The following COL22A1 variants were observed in gnomAD, a reference collection of about 807,000 sequenced individuals.
The protein encoded by COL22A1 is collagen type XXII alpha 1 chain.
Under a neutral mutation model 248.9 loss-of-function variants are expected in COL22A1, and 221 were observed. The observed-to-expected ratio is 0.89, with a 90% CI of 0.80 to 0.99. The LOEUF is 0.99. COL22A1 is among the 50% of genes least tolerant of loss of function. The pLI, the probability that COL22A1 is intolerant of heterozygous loss-of-function variation, is 0.00. For missense variants in COL22A1, 2,240 were observed against 2,179.0 expected, an observed-to-expected ratio of 1.03 and a Z score of -0.56; for synonymous variants, 891 against 793.4, an observed-to-expected ratio of 1.12 and a Z score of -2.07.
At chr8:138,805,265 CAT>C (rs1491095319) in intron 10 of COL22A1, among the ~76,000 whole-genome samples, 10 of 94,872 alleles carry the variant, frequency 1.1e-4, no homozygotes, top group South Asian at 7.6e-4. Flanking sequence ...TGTGAGCATG[CAT>C]GTGTGTGTGT....
intron 44 of COL22A1, 109 bp downstream of exon 44, chr8:138,660,327 G>T: frequency 2.2e-6 from 2 of 924,876 alleles, no homozygotes; most frequent in East Asian, 2.5e-5. Flanking sequence ...CCACAGTTTT[G>T]TCAAATGTTC....
At position 138,698,396 on chromosome 8, in the gene COL22A1, G is replaced by A. The variant is rs114104462; in HGVS notation, c.2592+1716C>T. Reference sequence around the variant, plus strand: ...CCTAGCACCTCTGAGCTGCAGGACCGTCACCTGTAAGATGGACACAGGTGC... The same window carrying A: ...CCTAGCACCTCTGAGCTGCAGGACCATCACCTGTAAGATGGACACAGGTGC... On this transcript the variant is annotated intron_variant, in intron 32 of 64. Coordinates refer to ENST00000303045, the MANE Select transcript of COL22A1 (RefSeq NM_152888.3). Among the ~76,000 whole-genome samples, 1,487 of 152,296 alleles carry A rather than the reference G, an allele frequency of 9.8e-3. 35 individuals are homozygous for A. Among genetic ancestry groups the A allele is most frequent in the African/African-American group, 0.034 (1,415 of 41,566 alleles).
chr8:138,748,330 AC>A, intron 22 of COL22A1, among the ~76,000 whole-genome samples: 1 of 152,302 alleles, frequency 6.6e-6, no homozygotes, highest in Middle Eastern at 3.4e-3. Flanking sequence ...AGTAGCTGAG[AC>A]CTTAATGTTT....
intron 56 of COL22A1, 31 bp downstream of exon 56, chr8:138,613,836 T>C: frequency 6.3e-7 from 1 of 1,594,364 alleles, no homozygotes. Flanking sequence ...TGTAATAACA[T>C]GAAGCACATT....
Position 138,596,947 on chromosome 8 carries a change from G to T in COL22A1, c.4389C>A (p.Thr1463=), listed in dbSNP as rs747185937. The T allele has an allele frequency of 4.3e-6, 7 of 1,614,016 alleles. No individual in the cohort carries two copies. The highest frequency in any genetic ancestry group is 4.5e-5 in the East Asian group (2 of 44,858). The change falls in exon 62 of 65, where the codon ACC becomes ACA. Residue 1463 remains threonine, a synonymous_variant. Transcript: ENST00000303045. ...GCTCTTCTTGAATAAGCCGACGCAGGGTTTCCATGGATGGAGACTCCCCCT... is the reference window on the plus strand; with the variant it reads ...GCTCTTCTTGAATAAGCCGACGCAGTGTTTCCATGGATGGAGACTCCCCCT... The part of the protein sequence containing the change: ...GLRGESPSME[T]LRRLIQEELG...
At chr8:138,726,498 C>CAAAAAAAAAAAAAAAAAAA (rs371982028) in intron 23 of COL22A1, among the ~76,000 whole-genome samples, 26 of 95,576 alleles carry the variant, frequency 2.7e-4, no homozygotes, top group African/African-American at 8.2e-4. Context: ...CCTGTATCTA[C>CAAAAAAAAAAAAAAAAAAA]AAAAAAAAAA....
chr8:138,651,833 G>A (rs751455470), intron 45 of COL22A1, among the ~76,000 whole-genome samples: 5 of 152,190 alleles, frequency 3.3e-5, no homozygotes, highest in Non-Finnish European at 2.9e-5. Flanking sequence ...GTGATAGGAA[G>A]CCATTCTTTG....
At chr8:138,862,599 T>A (rs983036010) in intron 3 of COL22A1, among the ~76,000 whole-genome samples, 3 of 152,168 alleles carry the variant, frequency 2.0e-5, no homozygotes, top group Non-Finnish European at 2.9e-5. Context: ...CCAGCTATAA[T>A]AGTCAGCTAT....
At chr8:138,601,694 T>C (rs543086559) in intron 60 of COL22A1, among the ~76,000 whole-genome samples, 8 of 152,170 alleles carry the variant, frequency 5.3e-5, no homozygotes, top group Non-Finnish European at 4.4e-5. Flanking sequence ...CAATTCATTA[T>C]GGGAAAATCT....
chr8:138,881,154 T>A lies in COL22A1; in HGVS notation c.91+1928A>T, dbSNP rs188311687. ...CAGAGGAGACCACCCTAGGGCTTTT[T>A]TGCTTTTAAATGTGATAATCCTGTG... is the stretch of plus-strand genomic sequence containing the variant. On this transcript the variant is annotated intron_variant, in intron 2 of 64. Transcript: ENST00000303045. 3.0e-3 allele frequency among the ~76,000 whole-genome samples: 456 copies of A among 152,322 alleles called. 3 individuals carry two copies. Among genetic ancestry groups the A allele is most frequent in the African/African-American group, 9.2e-3 (384 of 41,586 alleles).
chr8:138,681,610 GC>G (rs964334813), intron 39 of COL22A1, among the ~76,000 whole-genome samples: 1 of 152,116 alleles, frequency 6.6e-6, no homozygotes, highest in Non-Finnish European at 1.5e-5. Context: ...AAGAAGTGGA[GC>G]CCCTGAGCAC....
chr8:138,834,670 G>A (rs778032439), intron 4 of COL22A1, among the ~76,000 whole-genome samples: 6 of 152,116 alleles, frequency 3.9e-5, no homozygotes, highest in East Asian at 1.9e-4. Context: ...TCGAATGTAC[G>A]TCATTGCTGT....
rs1818984624 is a variant in COL22A1, at chr8:138,820,104, A to T, written c.1245+1032T>A. Reference sequence around the variant, plus strand: ...CATTATGCTTTAGCTAAAAAAAAATAAAAGCTTAGACACATGATTTTGAGT... The same window carrying T: ...CATTATGCTTTAGCTAAAAAAAAATTAAAGCTTAGACACATGATTTTGAGT... On this transcript the variant is annotated intron_variant, in intron 7 of 64. Coordinates refer to ENST00000303045, the MANE Select transcript of COL22A1 (RefSeq NM_152888.3). Among the ~76,000 whole-genome samples the T allele has an allele frequency of 2.0e-5, 3 of 151,558 alleles. No individual in the cohort carries two copies. The South Asian group carries it at 6.3e-4, about 32-fold the overall frequency.
chr8:138,871,626 C>A (rs1823349100), intron 3 of COL22A1, among the ~76,000 whole-genome samples: 1 of 152,144 alleles, frequency 6.6e-6, no homozygotes, highest in Admixed American at 6.5e-5. Context: ...ATGTCACATA[C>A]CCCTGTAACT....
intron 49 of COL22A1, among the ~76,000 whole-genome samples, chr8:138,632,580 G>T (rs778801074): frequency 6.6e-6 from 1 of 152,096 alleles, no homozygotes; most frequent in Non-Finnish European, 1.5e-5. Flanking sequence ...TTTATCAAGC[G>T]CCTAAACTGT....
intron 34 of COL22A1, 123 bp downstream of exon 34, chr8:138,694,385 C>A (rs1339716373): frequency 1.0e-6 from 1 of 990,286 alleles, no homozygotes; most frequent in Non-Finnish European, 1.6e-6. Context: ...ATTGGGGCTG[C>A]TCTGCCCAGC....
At chr8:138,832,060 A>C (rs1429003032) in intron 5 of COL22A1, among the ~76,000 whole-genome samples, 1 of 152,126 alleles carries the variant, frequency 6.6e-6, no homozygotes, top group Non-Finnish European at 1.5e-5. Flanking sequence ...TGGCCATGAG[A>C]GTGATCTCTG....
chr8:138,687,263 G>A (rs1260087032), intron 37 of COL22A1, among the ~76,000 whole-genome samples: 1 of 152,140 alleles, frequency 6.6e-6, no homozygotes, highest in African/African-American at 2.4e-5. Flanking sequence ...GGCCCATAGG[G>A]TTATTATTAA....
chr8:138,645,304 C>T (rs951394906), intron 47 of COL22A1, among the ~76,000 whole-genome samples: 5 of 152,186 alleles, frequency 3.3e-5, no homozygotes, highest in Non-Finnish European at 5.9e-5. Flanking sequence ...TATGAATAAT[C>T]ATGTAAGTCT....
Sources: allele counts gnomAD v4.1 joint callset (sites outside exome capture counted in the v4.1 genomes callset), GRCh38; gene constraint gnomAD v4.1.1; transcripts MANE v1.5; gene names NCBI Gene and HGNC (gene_info 2026-07-23, HGNC 2026-07-21).